Variants in SEZ6L observed in about 807,000 individuals in gnomAD.
SEZ6L encodes seizure 6-like protein.
Under a neutral mutation model 106.2 loss-of-function variants are expected in SEZ6L, and 37 were observed. The observed-to-expected ratio is 0.35, with a 90% CI of 0.27 to 0.46. The LOEUF is 0.46. Ranked by LOEUF, SEZ6L falls within the 20% of genes least tolerant of loss-of-function variation. The pLI is 1.00. For synonymous variants in SEZ6L, 541 were observed against 570.4 expected (o/e 0.95, Z 0.73); for missense variants, 1,172 against 1,332.8 (o/e 0.88, Z 1.88).
chr22:26,317,900 C>A (rs185144684), intron 9 of SEZ6L, among the ~76,000 whole-genome samples: 240 of 152,108 alleles, frequency 1.6e-3, no homozygotes, highest in African/African-American at 5.7e-3. Flanking sequence ...AGATGATGGG[C>A]TACCTTGAAT....
At chr22:26,227,304 A>G (rs77303321) in intron 1 of SEZ6L, among the ~76,000 whole-genome samples, 4,257 of 152,150 alleles carry the variant, frequency 0.028, 210 homozygotes, top group African/African-American at 0.097. Flanking sequence ...ATAACATCCC[A>G]AGGTTTTATT....
intron 1 of SEZ6L, among the ~76,000 whole-genome samples, chr22:26,196,500 A>G: frequency 6.6e-6 from 1 of 152,196 alleles, no homozygotes; most frequent in Non-Finnish European, 1.5e-5. Flanking sequence ...AATGGGGTGG[A>G]AGACAAAGTC....
chr22:26,313,303 G>A (rs1029196947), intron 8 of SEZ6L, among the ~76,000 whole-genome samples: 7 of 152,170 alleles, frequency 4.6e-5, no homozygotes, highest in Non-Finnish European at 1.0e-4. Flanking sequence ...CCATTTTGTA[G>A]AGAAAGGGAG....
rs10635478 is a variant in SEZ6L at position 26,219,254 on chromosome 22, G to GTTTTT, written c.94+49503_94+49507dup. Among the ~76,000 whole-genome samples the GTTTTT allele has an allele frequency of 8.9e-3, 1,204 of 134,976 alleles. 47 individuals carry two copies. Among genetic ancestry groups the GTTTTT allele is most frequent in the East Asian group, 0.033 (151 of 4,646 alleles). 88.5% of individuals were successfully genotyped at this position (134,976 alleles called of 152,430 possible). ...CATAGAAGATGTTCGAGAAATACAA[G>GTTTTT]TTTTTTTTTTTTTTTTCGCTCCTGG... is the stretch of plus-strand genomic sequence containing the variant. On this transcript the variant is annotated intron_variant, in intron 1 of 16. Coordinates refer to ENST00000248933, the MANE Select transcript of SEZ6L (RefSeq NM_021115.5).
chr22:26,278,939 A>AAGAAAG (rs1276218000), intron 1 of SEZ6L, among the ~76,000 whole-genome samples: 2 of 146,124 alleles, frequency 1.4e-5, no homozygotes, highest in Non-Finnish European at 3.0e-5. Flanking sequence ...AGAAGAAAGA[A>AAGAAAG]AGAAAGAAAA....
At chr22:26,341,408 C>G (rs1172678748) in intron 10 of SEZ6L, among the ~76,000 whole-genome samples, 2 of 152,156 alleles carry the variant, frequency 1.3e-5, no homozygotes, top group Non-Finnish European at 2.9e-5. Flanking sequence ...AGCTCTACGA[C>G]CCACCCCTTT....
intron 1 of SEZ6L, among the ~76,000 whole-genome samples, chr22:26,191,828 TG>T (rs1940239991): frequency 6.6e-6 from 1 of 152,196 alleles, no homozygotes; most frequent in African/African-American, 2.4e-5. Flanking sequence ...ATCTGCAAAA[TG>T]AGCAAGTTGT....
chr22:26,272,707 G>A (rs2080407754), intron 1 of SEZ6L, among the ~76,000 whole-genome samples: 1 of 152,172 alleles, frequency 6.6e-6, no homozygotes, highest in African/African-American at 2.4e-5. Flanking sequence ...GACTATATGA[G>A]GGTATGGATG....
At chr22:26,179,084 G>T (rs1180488981) in intron 1 of SEZ6L, among the ~76,000 whole-genome samples, 1 of 152,064 alleles carries the variant, frequency 6.6e-6, no homozygotes. Flanking sequence ...AATGCAATAG[G>T]TGCTCTTAAA....
At position 26,369,341 on chromosome 22, in the gene SEZ6L, C is replaced by CTTTTTTTTTTTTTTTTTTTTTTTTTTTTT. The variant is rs199641007; in HGVS notation, c.2794+3779_2794+3780insTTTTTTTTTTTTTTTTTTTTTTTTTTTTT. ...ATGACAATGACTTATATAAGCAGTTCTTTTGTTTTTTTTTTTGAGACAGAT... is the reference window on the plus strand; with the variant it reads ...ATGACAATGACTTATATAAGCAGTTCTTTTTTTTTTTTTTTTTTTTTTTTTTTTTTTTTGTTTTTTTTTTTGAGACAGAT... On this transcript the variant is annotated intron_variant, in intron 13 of 16. Transcript: ENST00000248933. 7.3e-3 allele frequency among the ~76,000 whole-genome samples: 755 copies of CTTTTTTTTTTTTTTTTTTTTTTTTTTTTT among 103,570 alleles called. 257 individuals are homozygous for CTTTTTTTTTTTTTTTTTTTTTTTTTTTTT. Among genetic ancestry groups the CTTTTTTTTTTTTTTTTTTTTTTTTTTTTT allele is most frequent in the East Asian group, 0.039 (88 of 2,272 alleles). 67.9% of individuals were successfully genotyped at this position (103,570 alleles called of 152,430 possible). A position where few individuals can be genotyped will look rare whatever the true frequency, so the allele number is the denominator to read the frequency against.
intron 5 of SEZ6L, among the ~76,000 whole-genome samples, chr22:26,301,744 G>A (rs1170012717): frequency 6.6e-6 from 1 of 152,006 alleles, no homozygotes; most frequent in Non-Finnish European, 1.5e-5. Flanking sequence ...GGGGGAGAAG[G>A]GGGAAACATT....
At chr22:26,365,709 AC>A in intron 13 of SEZ6L, 143 bp downstream of exon 13, 1 of 638,438 alleles carries the variant, frequency 1.6e-6, no homozygotes, top group Non-Finnish European at 2.5e-6. Flanking sequence ...CCCCATCTCT[AC>A]CAAAAAAAAA....
intron 1 of SEZ6L, among the ~76,000 whole-genome samples, chr22:26,236,825 G>C (rs1330026822): frequency 6.6e-6 from 1 of 152,192 alleles, no homozygotes; most frequent in Non-Finnish European, 1.5e-5. Flanking sequence ...TGGCCTCTGA[G>C]CCTCAGCTTG....
chr22:26,363,774 C>T (rs898854194), intron 12 of SEZ6L, among the ~76,000 whole-genome samples: 8 of 152,158 alleles, frequency 5.3e-5, no homozygotes, highest in Non-Finnish European at 8.8e-5. Context: ...AAGTGTCCAT[C>T]GATGGATGAA....
At chr22:26,174,301 G>A (rs1170059523) in intron 1 of SEZ6L, among the ~76,000 whole-genome samples, 3 of 152,118 alleles carry the variant, frequency 2.0e-5, no homozygotes, top group Non-Finnish European at 1.5e-5. Flanking sequence ...TCTACAGTAG[G>A]ATAGGGAAAA....
chr22:26,329,027 G>T (rs939615072), intron 9 of SEZ6L, among the ~76,000 whole-genome samples: 3 of 152,172 alleles, frequency 2.0e-5, no homozygotes, highest in Non-Finnish European at 2.9e-5. Context: ...AACCTCCGCG[G>T]GGATTCTGAG....
chr22:26,324,973 G>A (rs1030305166), intron 9 of SEZ6L, among the ~76,000 whole-genome samples: 1 of 152,176 alleles, frequency 6.6e-6, no homozygotes, highest in Non-Finnish European at 1.5e-5. Context: ...TCTATGGGCA[G>A]CCACTGGCCT....
In SEZ6L at chr22:26,329,254, G is replaced by A. The variant is rs755891743; in HGVS notation, c.2016-11182G>A. On this transcript the variant is annotated intron_variant, in intron 9 of 16. Coordinates refer to ENST00000248933, the MANE Select transcript of SEZ6L (RefSeq NM_021115.5). ...AGGCCAAGGCAGGTGGATCATCTGA[G>A]GTCAAGAGTTCAAGACCAACCTGGT... Among the ~76,000 whole-genome samples, 16 of 152,148 alleles carry A rather than the reference G, an allele frequency of 1.1e-4. 1 individual carries two copies. The highest frequency in any genetic ancestry group is 1.9e-4 in the Non-Finnish European group (13 of 68,026).
chr22:26,325,776 GATGAAATC>G (rs374784708), intron 9 of SEZ6L, among the ~76,000 whole-genome samples: 1,949 of 152,012 alleles, frequency 0.013, 36 homozygotes, highest in African/African-American at 0.043. Context: ...GTTCTGAGAT[GATGAAATC>G]ATACCATGTG....
Sources: allele counts gnomAD v4.1 joint callset (sites outside exome capture counted in the v4.1 genomes callset), GRCh38; gene constraint gnomAD v4.1.1; transcripts MANE v1.5; gene names NCBI Gene and HGNC (gene_info 2026-07-23, HGNC 2026-07-21).